The following DCAF8L2 variants were observed in gnomAD, a reference collection of about 807,000 sequenced individuals.
DCAF8L2 encodes DDB1- and CUL4-associated factor 8-like protein 2.
For missense variants in DCAF8L2, 430 were observed against 490.7 expected (o/e 0.88, Z 1.17); for synonymous variants, 200 against 190.9 (o/e 1.05, Z -0.39).
At chrX:27,479,225 A>C in the DCAF8L2 span, among the ~76,000 whole-genome samples, 1 of 110,922 alleles carries the variant, frequency 9.0e-6, no homozygotes, top group Non-Finnish European at 1.9e-5. Context: ...CCCTCAGTCA[A>C]ACAGTTCTCC....
At chrX:27,711,636 A>C (rs771439123) in intron 3 of DCAF8L2, among the ~76,000 whole-genome samples, 2 of 110,770 alleles carry the variant, frequency 1.8e-5, no homozygotes, top group Non-Finnish European at 3.8e-5. Context: ...TAAAAATTAA[A>C]GAAAATAATT....
At chrX:27,587,985 A>AAAAATAT, upstream of DCAF8L2, among the ~76,000 whole-genome samples, 10 of 22,357 alleles carry the variant, frequency 4.5e-4, no homozygotes, top group African/African-American at 8.9e-4. Flanking sequence ...TAAAAAAAAA[A>AAAAATAT]ATATATATAT....
In DCAF8L2 at chrX:27,722,810, G is replaced by T. The variant is rs920568263; in HGVS notation, c.-59+6639G>T. Among the ~76,000 whole-genome samples, 8 of 111,062 alleles carry T rather than the reference G, an allele frequency of 7.2e-5. No individual in the cohort carries two copies. The East Asian group carries it at 2.2e-3, about 31-fold the overall frequency. On this transcript the variant is annotated intron_variant, in intron 4 of 4. Transcript: ENST00000451261. Reference sequence around the variant, plus strand: ...TAGCTAATGAGATTAATATGGGAAAGAAATTAGAGATATAACAATGTAAAA... The same window carrying T: ...TAGCTAATGAGATTAATATGGGAAATAAATTAGAGATATAACAATGTAAAA...
chrX:27,602,166 G>A (rs958689916), intron 1 of DCAF8L2, among the ~76,000 whole-genome samples: 1 of 110,932 alleles, frequency 9.0e-6, no homozygotes, highest in Non-Finnish European at 1.9e-5. Flanking sequence ...CTCCCGAGTA[G>A]CTGGGATTAC....
intron 3 of DCAF8L2, among the ~76,000 whole-genome samples, chrX:27,696,328 AAGAAAAAGAAAGAAAG>A (rs1233982402): frequency 1.2e-4 from 4 of 34,520 alleles, no homozygotes; most frequent in African/African-American, 7.4e-4. Flanking sequence ...GAAAGAAAGA[AAGAAAAAGAAAGAAAG>A]AGAAAGAAAA....
chrX:27,704,742 G>A (rs1353263029), intron 3 of DCAF8L2, among the ~76,000 whole-genome samples: 1 of 111,339 alleles, frequency 9.0e-6, no homozygotes, highest in Non-Finnish European at 1.9e-5. Context: ...TTATGTATGT[G>A]TGTAGCAACA....
intron 3 of DCAF8L2, among the ~76,000 whole-genome samples, chrX:27,689,382 C>A (rs1569182754): frequency 8.9e-6 from 1 of 111,734 alleles, no homozygotes; most frequent in Non-Finnish European, 1.9e-5. Context: ...GTAGCTGGGA[C>A]TACAGGTGCA....
At chrX:27,533,444 G>T in the DCAF8L2 span, among the ~76,000 whole-genome samples, 1 of 110,482 alleles carries the variant, frequency 9.1e-6, no homozygotes, top group Non-Finnish European at 1.9e-5. Flanking sequence ...AAAAAAATTA[G>T]ATTAGTAAAA....
the DCAF8L2 span, among the ~76,000 whole-genome samples, chrX:27,536,829 G>A: frequency 5.4e-5 from 6 of 111,431 alleles, no homozygotes; most frequent in Admixed American, 9.5e-5. Context: ...AGATTATCTG[G>A]GGACCCTCCA....
At chrX:27,533,196 A>G in the DCAF8L2 span, among the ~76,000 whole-genome samples, 3,940 of 25,670 alleles carry the variant, frequency 0.15, 403 homozygotes, top group East Asian at 0.29. Flanking sequence ...GAAAGAAAGA[A>G]AGAAAGAAAG....
the DCAF8L2 span, among the ~76,000 whole-genome samples, chrX:27,542,777 C>G: frequency 2.7e-5 from 3 of 109,381 alleles, no homozygotes; most frequent in African/African-American, 1.0e-4. Context: ...CTCCTGACCT[C>G]GGGATCCGCC....
the DCAF8L2 span, among the ~76,000 whole-genome samples, chrX:27,493,637 G>T: frequency 9.5e-6 from 1 of 105,111 alleles, no homozygotes; most frequent in African/African-American, 3.5e-5. Context: ...CTTGAACCTG[G>T]GAGGCAGAGG....
At chrX:27,547,863 C>T in the DCAF8L2 span, among the ~76,000 whole-genome samples, 171 of 57,672 alleles carry the variant, frequency 3.0e-3, 1 homozygote, top group African/African-American at 0.012. Flanking sequence ...CTCTCTCTCT[C>T]TCTCTCTTTC....
the DCAF8L2 span, among the ~76,000 whole-genome samples, chrX:27,540,179 G>A: frequency 9.0e-6 from 1 of 111,575 alleles, no homozygotes; most frequent in Non-Finnish European, 1.9e-5. Context: ...GTTTTCTGCT[G>A]CAGTTGGGAT....
intron 1 of DCAF8L2, among the ~76,000 whole-genome samples, chrX:27,613,510 G>C (rs1307331052): frequency 1.8e-5 from 2 of 111,298 alleles, no homozygotes; most frequent in Non-Finnish European, 3.8e-5. Context: ...TGGTGAGAGA[G>C]GGCATCCCTG....
intron 1 of DCAF8L2, among the ~76,000 whole-genome samples, chrX:27,593,664 T>C (rs896069234): frequency 1.1e-4 from 12 of 111,809 alleles, no homozygotes; most frequent in African/African-American, 3.6e-4. Context: ...TCCAGGCCTA[T>C]GTAGAGAAGG....
At chrX:27,659,350 C>T (rs1408290450) in intron 2 of DCAF8L2, among the ~76,000 whole-genome samples, 1 of 111,870 alleles carries the variant, frequency 8.9e-6, no homozygotes. Flanking sequence ...AGTTACAAAT[C>T]AACTTGCTGA....
chrX:27,524,703 G>A, the DCAF8L2 span, among the ~76,000 whole-genome samples: 8 of 111,552 alleles, frequency 7.2e-5, no homozygotes, highest in Non-Finnish European at 1.5e-4. Context: ...TGCTTTGAAT[G>A]TGTCCCAGAG....
At chrX:27,530,787 C>A in the DCAF8L2 span, among the ~76,000 whole-genome samples, 1 of 111,580 alleles carries the variant, frequency 9.0e-6, no homozygotes, top group Non-Finnish European at 1.9e-5. Context: ...ATTTGCTTTG[C>A]AAATGAAAAG....
Sources: allele counts gnomAD v4.1 joint callset (sites outside exome capture counted in the v4.1 genomes callset), GRCh38; gene constraint gnomAD v4.1.1; transcripts MANE v1.5; gene names NCBI Gene and HGNC (gene_info 2026-07-23, HGNC 2026-07-21).